The following IQCB1 variants were observed in gnomAD, a reference collection of about 807,000 sequenced individuals.
IQCB1 encodes the protein IQ motif containing B1.
In IQCB1, 56 loss-of-function variants were observed where a neutral mutation model predicts 84.4. The observed-to-expected ratio is 0.66, with a 90% CI of 0.54 to 0.83. The LOEUF is 0.83. IQCB1 is among the 40% of genes least tolerant of loss of function. The pLI, the probability that IQCB1 is intolerant of heterozygous loss-of-function variation, is 0.00. For missense variants in IQCB1, 629 were observed against 682.1 expected (o/e 0.92, Z 0.87); for synonymous variants, 210 against 234.8 (o/e 0.89, Z 0.96).
intron 5 of IQCB1, among the ~76,000 whole-genome samples, chr3:121,811,357 G>C (rs1048757059): frequency 3.9e-5 from 6 of 152,294 alleles, no homozygotes; most frequent in African/African-American, 1.4e-4. Context: ...GGCAGACACT[G>C]AGCTAGCTGC....
At chr3:121,798,068 G>A (rs1390721802) in intron 8 of IQCB1, among the ~76,000 whole-genome samples, 1 of 151,874 alleles carries the variant, frequency 6.6e-6, no homozygotes, top group African/African-American at 2.4e-5. Flanking sequence ...GAAGGATTCA[G>A]GTAAAATTCC....
At chr3:121,832,218 C>T (rs909766223) in intron 2 of IQCB1, among the ~76,000 whole-genome samples, 1 of 151,984 alleles carries the variant, frequency 6.6e-6, no homozygotes, top group South Asian at 2.1e-4. Context: ...TTTGCAGAAG[C>T]TTTTCATACA....
At chr3:121,825,241 G>C (rs923458963) in intron 5 of IQCB1, among the ~76,000 whole-genome samples, 2 of 151,982 alleles carry the variant, frequency 1.3e-5, no homozygotes, top group East Asian at 1.9e-4. Context: ...TGCATTTTTA[G>C]TAGAGACAGG....
At chr3:121,809,676 T>G (rs1949749750) in intron 5 of IQCB1, among the ~76,000 whole-genome samples, 1 of 152,038 alleles carries the variant, frequency 6.6e-6, no homozygotes, top group Non-Finnish European at 1.5e-5. Context: ...TGAGAAATTA[T>G]TATAAATTAG....
chr3:121,772,843 A>G (rs1948058384), intron 13 of IQCB1, 130 bp from the exon 14 acceptor site: 2 of 819,536 alleles, frequency 2.4e-6, no homozygotes, highest in Admixed American at 1.9e-5. Flanking sequence ...ATTGATGTCT[A>G]TCTTGTACTC....
rs889578144 is a variant in IQCB1 at position 121,770,155 on chromosome 3, G to C, written c.*190C>G. 1.4e-5 allele frequency: 8 copies of C among 582,306 alleles called. No individual in the cohort carries two copies. In the Admixed American group the frequency reaches 2.1e-4, roughly 15 times the overall value. The allele number at this position is 582,306 out of a possible 1,614,324, so 36.1% of individuals were successfully genotyped here. A position where few individuals can be genotyped will look rare whatever the true frequency, so the allele number is the denominator to read the frequency against. On this transcript the variant is annotated 3_prime_UTR_variant, in exon 15 of 15. Transcript: ENST00000310864. ...AAATCTGTGTGTGGCTAACGATGAGGATACAGAGAAAAGAAAAAGAAAATT... is the reference window on the plus strand; with the variant it reads ...AAATCTGTGTGTGGCTAACGATGAGCATACAGAGAAAAGAAAAAGAAAATT...
At chr3:121,773,818 A>G (rs1948108321) in intron 13 of IQCB1, among the ~76,000 whole-genome samples, 2 of 152,170 alleles carry the variant, frequency 1.3e-5, no homozygotes, top group South Asian at 4.1e-4. Context: ...AAGAAAACAC[A>G]GGAAAAGCAT....
intron 12 of IQCB1, among the ~76,000 whole-genome samples, chr3:121,782,629 T>C (rs1429861262): frequency 6.6e-6 from 1 of 152,204 alleles, no homozygotes; most frequent in African/African-American, 2.4e-5. Flanking sequence ...TATAAAAGAA[T>C]ATTTAGTGGC....
intron 13 of IQCB1, among the ~76,000 whole-genome samples, chr3:121,780,985 T>C (rs1022300091): frequency 1.3e-5 from 2 of 152,128 alleles, no homozygotes; most frequent in Non-Finnish European, 1.5e-5. Flanking sequence ...TTGGTTCAAA[T>C]GAGGGAATAA....
chr3:121,772,592 A>G lies in IQCB1; in HGVS notation c.1532T>C (p.Ile511Thr). ...ERAQQHREAL[I>T]AQISTNVEQL... is the part of the protein sequence containing the mutation. ...TTCAACGTTGGTGCTGATCTGTGCT[A>G]TCAGAGCTTCTCTGTGCTGCTGGGC... The change falls in exon 14 of 15, where the codon ATA (isoleucine) becomes ACA (threonine). Residue 511 changes from isoleucine (I) to threonine (T), a missense_variant. Transcript: ENST00000310864. The G allele has an allele frequency of 6.2e-7, 1 of 1,614,230 alleles. No individual in the cohort carries two copies. The highest frequency in any genetic ancestry group is 8.5e-7 in the Non-Finnish European group (1 of 1,180,038).
intron 4 of IQCB1, among the ~76,000 whole-genome samples, chr3:121,826,596 AG>A (rs1238930547): frequency 6.6e-6 from 1 of 152,160 alleles, no homozygotes; most frequent in East Asian, 1.9e-4. Flanking sequence ...TTTGTTTGCA[AG>A]GGATACATAA....
At chr3:121,802,811 T>G (rs140715345) in intron 7 of IQCB1, among the ~76,000 whole-genome samples, 5 of 152,332 alleles carry the variant, frequency 3.3e-5, no homozygotes, top group African/African-American at 7.2e-5. Context: ...AAATTTCCCC[T>G]AAGTATCATT....
chr3:121,797,341 A>C, intron 8 of IQCB1, 114 bp from the exon 9 acceptor site: 1 of 549,894 alleles, frequency 1.8e-6, no homozygotes, highest in Non-Finnish European at 3.2e-6. Context: ...AAATGAAAAC[A>C]AGATTAATCA....
chr3:121,828,398 A>G, intron 4 of IQCB1, 72 bp downstream of exon 4: 1 of 1,370,504 alleles, frequency 7.3e-7, no homozygotes, highest in Non-Finnish European at 1.0e-6. Context: ...CAGATAAATA[A>G]AAAGCAAATG....
At chr3:121,811,436 AG>A (rs973024929) in intron 5 of IQCB1, among the ~76,000 whole-genome samples, 8 of 152,158 alleles carry the variant, frequency 5.3e-5, no homozygotes, top group Admixed American at 2.0e-4. Flanking sequence ...TCCCCTGGAA[AG>A]GGGTCTGAAA....
chr3:121,787,453 T>C (rs891685209), intron 12 of IQCB1, among the ~76,000 whole-genome samples: 3 of 152,174 alleles, frequency 2.0e-5, no homozygotes, highest in African/African-American at 7.2e-5. Flanking sequence ...ACAGAAAGAT[T>C]GCTATTTAAG....
intron 7 of IQCB1, among the ~76,000 whole-genome samples, chr3:121,803,697 T>G (rs1174151170): frequency 6.6e-6 from 1 of 152,220 alleles, no homozygotes; most frequent in East Asian, 1.9e-4. Context: ...GATTATGAAA[T>G]AACCTTCTTT....
chr3:121,786,170 C>CAAAGAAAAGAAAAGAAAAG (rs1948711974), intron 12 of IQCB1, among the ~76,000 whole-genome samples: 1 of 72,848 alleles, frequency 1.4e-5, no homozygotes, highest in Non-Finnish European at 2.5e-5. Flanking sequence ...GATTCTGTCT[C>CAAAGAAAAGAAAAGAAAAG]AAAAGAAAAG....
At position 121,826,139 on chromosome 3, in the gene IQCB1, T is replaced by A; in HGVS notation, c.305A>T (p.Glu102Val). The change falls in exon 5 of 15, where the codon GAA (glutamate) becomes GTA (valine). Residue 102 changes from glutamate (E) to valine (V), a missense_variant. Physicochemically the swap from Glu to Val is moderately radical, Grantham distance 121. Transcript: ENST00000310864. ...VGLEPGEDAE[E>V]FYNELLPSAA... ...TGATGGAAGTAATTCATTGTAAAATTCCTCTGCATCTTCTCCTGGCTCCAA... is the reference window on the plus strand; with the variant it reads ...TGATGGAAGTAATTCATTGTAAAATACCTCTGCATCTTCTCCTGGCTCCAA... 1 of 1,613,554 alleles carries A rather than the reference T, an allele frequency of 6.2e-7. No homozygotes were observed. The highest frequency in any genetic ancestry group is 2.2e-5 in the East Asian group (1 of 44,848).
Sources: gnomAD v4.1 joint callset for allele counts (sites outside exome capture counted in the v4.1 genomes callset) on GRCh38, gnomAD v4.1.1 for gene constraint, MANE v1.5 for transcripts, NCBI Gene and HGNC (gene_info 2026-07-23, HGNC 2026-07-21) for gene names.